Variants in MAST3 observed in about 807,000 individuals in gnomAD.
MAST3 encodes microtubule-associated serine/threonine-protein kinase 3.
In MAST3, 43 loss-of-function variants were observed where a neutral mutation model predicts 127.0. That is an observed-to-expected ratio of 0.34 (90% CI 0.27 to 0.44). MAST3 has a LOEUF of 0.44. Ranked by LOEUF, MAST3 falls within the 20% of genes least tolerant of loss-of-function variation. The pLI, the probability that MAST3 is intolerant of heterozygous loss-of-function variation, is 1.00. For missense variants in MAST3, 1,390 were observed against 1,919.1 expected (o/e 0.72, Z 5.15); for synonymous variants, 785 against 809.2 (o/e 0.97, Z 0.51).
intron 11 of MAST3, 146 bp downstream of exon 11, chr19:18,124,920 A>C: frequency 2.1e-6 from 2 of 949,298 alleles, no homozygotes; most frequent in Non-Finnish European, 2.8e-6. Context: ...AGCCTGGCCA[A>C]CATGGTGGAA....
At chr19:18,134,468 G>A in intron 15 of MAST3, 111 bp from the exon 16 acceptor site, 3 of 1,401,716 alleles carry the variant, frequency 2.1e-6, no homozygotes, top group Non-Finnish European at 2.9e-6. Context: ...TAGGGCCCAG[G>A]AGTTGGAGGC....
At chr19:18,131,805 A>G in intron 14 of MAST3, 104 bp from the exon 15 acceptor site, 1 of 1,312,006 alleles carries the variant, frequency 7.6e-7, no homozygotes, top group Non-Finnish European at 1.1e-6. Context: ...GACCTTTTGC[A>G]GGAGGTAAAG....
In MAST3 at chr19:18,139,260, C is replaced by T. The variant is rs577156482; in HGVS notation, c.2205+136C>T. On this transcript the variant is annotated intron_variant, in intron 20 of 27. Transcript: ENST00000687212. ...CTTGCTATGCTGCCCAGGCTGGTCT[C>T]CAACTCCTGAACTCAAGTGATCCTC... The T allele has an allele frequency of 5.1e-5, 33 of 643,932 alleles. No homozygotes were observed. The African/African-American group carries it at 5.2e-4, about 10-fold the overall frequency. 39.9% of individuals were successfully genotyped at this position (643,932 alleles called of 1,614,324 possible).
At chr19:18,122,062 T>TC (rs1568566181) in intron 5 of MAST3, 140 bp downstream of exon 5, 1 of 1,470,616 alleles carries the variant, frequency 6.8e-7, no homozygotes, top group Non-Finnish European at 9.0e-7. Flanking sequence ...GGTGGTGGTC[T>TC]CCCCCTCTGG....
At chr19:18,132,094 A>G (rs780726322) in intron 15 of MAST3, 47 bp downstream of exon 15, 17 of 1,607,166 alleles carry the variant, frequency 1.1e-5, no homozygotes, top group Admixed American at 1.7e-5. Context: ...GCGGGGCCAG[A>G]GAGGATCAGG....
chr19:18,128,435 C>G lies in MAST3; in HGVS notation c.1114C>G (p.Pro372Ala), dbSNP rs185781192. The change falls in exon 12 of 28, where the codon CCC becomes GCC. Residue 372 changes from proline to alanine, a missense_variant. Coordinates refer to ENST00000687212, the MANE Select transcript of MAST3 (RefSeq NM_001393504.1). ...VPLSHLEEEQ[P>A]PAPESPESRA... is the part of the protein sequence containing the mutation. ...ACTGAGTCACCTCGAAGAAGAACAGCCCCCAGCACCTGAGTCCCCAGAGGT... is the reference window on the plus strand; with the variant it reads ...ACTGAGTCACCTCGAAGAAGAACAGGCCCCAGCACCTGAGTCCCCAGAGGT... The G allele has an allele frequency of 6.4e-7, 1 of 1,556,908 alleles. No homozygotes were observed. The highest frequency in any genetic ancestry group is 1.9e-5 in the Admixed American group (1 of 51,810).
chr19:18,144,819 T>C lies in MAST3; in HGVS notation c.2812+126T>C. The C allele has an allele frequency of 9.2e-7, 1 of 1,088,552 alleles. No homozygotes were observed. 67.4% of individuals were successfully genotyped at this position (1,088,552 alleles called of 1,614,324 possible). ...AAGAGGGGAGGAGGAGTAGGACACA[T>C]GGAGAGCTGGGGAGATGGTGTTCCC... On this transcript the variant is annotated intron_variant, in intron 23 of 27. Coordinates refer to ENST00000687212, the MANE Select transcript of MAST3 (RefSeq NM_001393504.1). This position sits in a 1 kb window ranked among gnomAD's most constrained non-coding sequence, Gnocchi z 4.0.
At chr19:18,126,907 A>C (rs1446916978) in intron 11 of MAST3, among the ~76,000 whole-genome samples, 1 of 151,582 alleles carries the variant, frequency 6.6e-6, no homozygotes, top group African/African-American at 2.4e-5. Flanking sequence ...CAGCCTCCCG[A>C]GTAGCTGGGA....
Position 18,122,527 on chromosome 19 carries a change from G to A in MAST3, c.321-146G>A, listed in dbSNP as rs1335312462. ...AGAGAGAGAGCATGCAGTGGACTTGGTCAGCCTGTGTCTCTGTTCTTGGTT... is the reference window on the plus strand; with the variant it reads ...AGAGAGAGAGCATGCAGTGGACTTGATCAGCCTGTGTCTCTGTTCTTGGTT... On this transcript the variant is annotated intron_variant, in intron 5 of 27. Coordinates refer to ENST00000687212, the MANE Select transcript of MAST3 (RefSeq NM_001393504.1). 5.6e-6 allele frequency: 4 copies of A among 709,394 alleles called. No individual in the cohort carries two copies. The Admixed American group carries it at 6.7e-5, about 12-fold the overall frequency. The allele number at this position is 709,394 out of a possible 1,614,324, so 43.9% of individuals were successfully genotyped here. A position where few individuals can be genotyped will look rare whatever the true frequency, so the allele number is the denominator to read the frequency against.
chr19:18,108,295 AAAG>A (rs1161467849), intron 2 of MAST3, among the ~76,000 whole-genome samples: 1 of 152,088 alleles, frequency 6.6e-6, no homozygotes, highest in Admixed American at 6.6e-5. Context: ...GTCTAAAAAA[AAAG>A]AAAAGAAAAA....
At chr19:18,105,869 C>A (rs879681859) in intron 1 of MAST3, among the ~76,000 whole-genome samples, 5 of 152,028 alleles carry the variant, frequency 3.3e-5, no homozygotes, top group Admixed American at 2.0e-4. Flanking sequence ...CCGTCCTCCC[C>A]ACGCCCCCAC....
intron 3 of MAST3, among the ~76,000 whole-genome samples, chr19:18,121,133 G>A (rs2039926810): frequency 1.3e-5 from 2 of 152,148 alleles, no homozygotes; most frequent in African/African-American, 2.4e-5. Context: ...TGGGATTACA[G>A]GGATGAGCCA....
intron 3 of MAST3, among the ~76,000 whole-genome samples, chr19:18,117,389 A>T (rs1446977762): frequency 6.6e-6 from 1 of 152,130 alleles, no homozygotes; most frequent in African/African-American, 2.4e-5. Context: ...GCTGCTTCCT[A>T]ACTGAGGCAG....
chr19:18,148,803 C>T (rs2043290659), intron 27 of MAST3, among the ~76,000 whole-genome samples: 2 of 151,486 alleles, frequency 1.3e-5, no homozygotes, highest in African/African-American at 4.9e-5. Context: ...CTTAGGGGGC[C>T]GAGGCACGAG....
rs145993470 is a variant in MAST3 at position 18,128,805 on chromosome 19, G to A, written c.1138-61G>A. On this transcript the variant is annotated intron_variant, in intron 12 of 27. Coordinates refer to ENST00000687212, the MANE Select transcript of MAST3 (RefSeq NM_001393504.1). ...CAGGACCAGTGGTTTGGGCTTGGGGGCAGGAGAAGCCTTCCCAGCTCTGCA... is the reference window on the plus strand; with the variant it reads ...CAGGACCAGTGGTTTGGGCTTGGGGACAGGAGAAGCCTTCCCAGCTCTGCA... 290 of 1,365,082 alleles carry A rather than the reference G, an allele frequency of 2.1e-4. 1 individual carries two copies. The highest frequency in any genetic ancestry group is 1.1e-3 in the Admixed American group (67 of 59,158). The allele number at this position is 1,365,082 out of a possible 1,614,324, so 84.6% of individuals were successfully genotyped here.
At chr19:18,119,326 A>G (rs1341726548) in intron 3 of MAST3, among the ~76,000 whole-genome samples, 1 of 152,130 alleles carries the variant, frequency 6.6e-6, no homozygotes, top group Non-Finnish European at 1.5e-5. Context: ...CTGGTGGTGC[A>G]GTGTGGGGGC....
At position 18,100,993 on chromosome 19, in the gene MAST3, C is replaced by T. The variant is rs1410012736; in HGVS notation, c.39+3162C>T. Among the ~76,000 whole-genome samples, 10 of 152,292 alleles carry T rather than the reference C, an allele frequency of 6.6e-5. No individual in the cohort carries two copies. In the East Asian group the frequency reaches 1.5e-3, roughly 24 times the overall value. On this transcript the variant is annotated intron_variant, in intron 1 of 27. Coordinates refer to ENST00000687212, the MANE Select transcript of MAST3 (RefSeq NM_001393504.1). ...GTCTGAAAAAGGATCCGGCCTGGCCCGCGGGCGGCCAGTTTGCGACAGCCC... is the reference window on the plus strand; with the variant it reads ...GTCTGAAAAAGGATCCGGCCTGGCCTGCGGGCGGCCAGTTTGCGACAGCCC...
rs537646620 is a variant in MAST3, at chr19:18,135,676, T to C, written c.1871-64T>C. ...TGAAGTGAGGGGAAATGGTGGATGG[T>C]ACTAGAAAGGGGTACCCTGCCTTCT... On this transcript the variant is annotated intron_variant, in intron 17 of 27. Transcript: ENST00000687212. 41 of 1,201,662 alleles carry C rather than the reference T, an allele frequency of 3.4e-5. No homozygotes were observed. In the East Asian group the frequency reaches 4.4e-4, roughly 13 times the overall value. The allele number at this position is 1,201,662 out of a possible 1,614,324, so 74.4% of individuals were successfully genotyped here.
In MAST3 at chr19:18,145,030, G is replaced by A. The variant is rs756900096; in HGVS notation, c.2840G>A (p.Ser947Asn). ...ADDGSGGPLM[S>N]PLSPRSLSSN... ...GATGGCAGCGGCGGCCCCCTCATGA[G>A]CCCCCTTTCCCCGCGCTCTCTGTCC... is the stretch of plus-strand genomic sequence containing the variant. Residue 947 changes from serine to asparagine, a missense_variant, in exon 24 of 28, where the codon AGC becomes AAC. Coordinates refer to ENST00000687212, the MANE Select transcript of MAST3 (RefSeq NM_001393504.1). The surrounding 1 kb of genome is among the most constrained non-coding windows in gnomAD (Gnocchi z 5.9). The A allele has an allele frequency of 1.2e-6, 2 of 1,606,898 alleles. No individual in the cohort carries two copies. The highest frequency in any genetic ancestry group is 1.7e-6 in the Non-Finnish European group (2 of 1,178,266).
Sources: gnomAD v4.1 joint callset for allele counts (sites outside exome capture counted in the v4.1 genomes callset) on GRCh38, gnomAD v4.1.1 for gene constraint, Gnocchi (gnomAD v3.1) non-coding constraint, MANE v1.5 for transcripts, NCBI Gene and HGNC (gene_info 2026-07-23, HGNC 2026-07-21) for gene names.